RTL9: variants seen among roughly 807,000 people sequenced by gnomAD.
The protein encoded by RTL9 is retrotransposon Gag-like protein 9.
Under a neutral mutation model 44.7 loss-of-function variants are expected in RTL9, and 19 were observed. The observed-to-expected ratio is 0.42, with a 90% confidence interval of 0.30 to 0.62. The LOEUF is 0.62. RTL9 is among the 20% of genes least tolerant of loss of function. The probability of loss-of-function intolerance (pLI) is 0.16; values close to 1 mark genes in which losing one functional copy is unlikely to be tolerated. For missense variants in RTL9, 1,105 were observed against 1,080.6 expected, an observed-to-expected ratio of 1.02 and a Z score of -0.32; for synonymous variants, 407 against 398.9, an observed-to-expected ratio of 1.02 and a Z score of -0.24.
intron 1 of RTL9, among the ~76,000 whole-genome samples, chrX:110,438,002 G>T (rs73542224): frequency 9.0e-6 from 1 of 111,454 alleles, no homozygotes; most frequent in African/African-American, 3.3e-5. Context: ...CCCCAAATCC[G>T]TAGTCTCTGC....
intron 1 of RTL9, among the ~76,000 whole-genome samples, chrX:110,436,042 G>A (rs1039449548): frequency 2.7e-5 from 3 of 112,573 alleles, no homozygotes; most frequent in Non-Finnish European, 3.8e-5. Flanking sequence ...AACCAGTAAG[G>A]TCTTCTATAG....
At chrX:110,441,857 T>C (rs1484126750) in intron 1 of RTL9, among the ~76,000 whole-genome samples, 1 of 112,017 alleles carries the variant, frequency 8.9e-6, no homozygotes, top group Non-Finnish European at 1.9e-5. Flanking sequence ...GTTCTAAGTA[T>C]ACATTAACTC....
At chrX:110,380,334 C>T (rs1312239439) in intron 1 of RTL9, among the ~76,000 whole-genome samples, 1 of 105,450 alleles carries the variant, frequency 9.5e-6, no homozygotes, top group African/African-American at 3.9e-5. Context: ...AGAATGCAAT[C>T]CAATTTACAA....
chrX:110,410,999 G>GT (rs1208162775), intron 1 of RTL9, among the ~76,000 whole-genome samples: 2 of 112,350 alleles, frequency 1.8e-5, no homozygotes, highest in Non-Finnish European at 3.8e-5. Context: ...TCTGCCTCCA[G>GT]TCTTCTGTGT....
rs896624507 is a variant in RTL9 at position 110,454,615 on chromosome X, A to C, written c.3998A>C (p.Asn1333Thr). The change falls in exon 1 of 2, where the codon AAT becomes ACT. Residue 1333 changes from asparagine (N) to threonine (T), a missense_variant. Coordinates refer to ENST00000540313, the Ensembl canonical transcript of RTL9. ...CTGCCAACAGCCTGTAAGCGGAATAATGAGGAGGCCATGGGGAATGAACTG... is the reference window on the plus strand; with the variant it reads ...CTGCCAACAGCCTGTAAGCGGAATACTGAGGAGGCCATGGGGAATGAACTG... 6.6e-6 allele frequency: 8 copies of C among 1,207,646 alleles called. No individual in the cohort carries two copies. In the East Asian group the frequency reaches 8.9e-5, roughly 13 times the overall value.
chrX:110,400,475 T>G (rs1023389548), intron 1 of RTL9, among the ~76,000 whole-genome samples: 1 of 110,378 alleles, frequency 9.1e-6, no homozygotes, highest in African/African-American at 3.3e-5. Flanking sequence ...TGCTCAGAAG[T>G]GTCGCTCAGT....
chrX:110,387,332 T>C (rs2068462767), intron 1 of RTL9, among the ~76,000 whole-genome samples: 1 of 111,906 alleles, frequency 8.9e-6, no homozygotes, highest in Admixed American at 9.4e-5. Flanking sequence ...TTTGGTTTGG[T>C]CCAATTAAAA....
intron 1 of RTL9, among the ~76,000 whole-genome samples, chrX:110,369,277 A>G (rs1390502652): frequency 9.0e-6 from 1 of 111,671 alleles, no homozygotes; most frequent in Non-Finnish European, 1.9e-5. Flanking sequence ...GGTTGCAGTG[A>G]GCAGAGATGG....
intron 1 of RTL9, among the ~76,000 whole-genome samples, chrX:110,372,048 T>C (rs1303109825): frequency 1.8e-5 from 2 of 111,617 alleles, no homozygotes; most frequent in African/African-American, 6.5e-5. Context: ...CCTAGGACAA[T>C]GTGGTGCATT....
At chrX:110,377,108 G>C (rs1194417862) in intron 1 of RTL9, among the ~76,000 whole-genome samples, 1 of 111,457 alleles carries the variant, frequency 9.0e-6, no homozygotes, top group Non-Finnish European at 1.9e-5. Flanking sequence ...GGGCCCTCAA[G>C]CTTTTCCCCT....
At chrX:110,399,978 G>A (rs914699536) in intron 1 of RTL9, among the ~76,000 whole-genome samples, 1 of 111,057 alleles carries the variant, frequency 9.0e-6, no homozygotes. Context: ...ACATTTCAAC[G>A]GAAAGACATT....
chrX:110,433,119 C>A (rs1212445617), intron 1 of RTL9, among the ~76,000 whole-genome samples: 1 of 112,399 alleles, frequency 8.9e-6, no homozygotes, highest in Non-Finnish European at 1.9e-5. Context: ...GCTGTGGCTC[C>A]AAGACCTGCC....
chrX:110,417,951 C>T (rs1032962463), upstream of RTL9, among the ~76,000 whole-genome samples: 1 of 112,645 alleles, frequency 8.9e-6, no homozygotes, highest in Non-Finnish European at 1.9e-5. Flanking sequence ...ACACAGGGTG[C>T]CATGTTCAGG....
At chrX:110,398,725 T>C (rs1348439721) in intron 1 of RTL9, among the ~76,000 whole-genome samples, 3 of 112,218 alleles carry the variant, frequency 2.7e-5, no homozygotes, top group African/African-American at 9.7e-5. Context: ...CTCTGAACCT[T>C]GAACCCTTCA....
At chrX:110,393,236 C>G (rs943670137) in intron 1 of RTL9, among the ~76,000 whole-genome samples, 1 of 111,010 alleles carries the variant, frequency 9.0e-6, no homozygotes, top group African/African-American at 3.3e-5. Context: ...ACTTCCAGGA[C>G]CCTCATTTTC....
At chrX:110,455,202 C>T in exon 2 of RTL9, 3 of 1,209,923 alleles carry the variant, frequency 2.5e-6, no homozygotes, top group Non-Finnish European at 3.4e-6. Flanking sequence ...TCACTCCCAG[C>T]ACCAGCATGT....
intron 1 of RTL9, among the ~76,000 whole-genome samples, chrX:110,370,351 G>A (rs2068329566): frequency 9.0e-6 from 1 of 111,441 alleles, no homozygotes; most frequent in African/African-American, 3.3e-5. Context: ...TAGGATTACA[G>A]GCACCTGCCA....
At chrX:110,419,105 T>C (rs1278271299) in exon 1 of RTL9, 1 of 112,345 alleles carries the variant, frequency 8.9e-6, no homozygotes, top group Non-Finnish European at 1.9e-5. Flanking sequence ...CTACAACATA[T>C]GGAGCGCCTA....
chrX:110,427,555 G>A (rs923426190), intron 1 of RTL9, among the ~76,000 whole-genome samples: 1 of 111,823 alleles, frequency 8.9e-6, no homozygotes, highest in African/African-American at 3.3e-5. Flanking sequence ...TCAAATAAAT[G>A]GAGGGAGCTT....
Sources: allele counts gnomAD v4.1 joint callset (sites outside exome capture counted in the v4.1 genomes callset), GRCh38; gene constraint gnomAD v4.1.1; transcripts MANE v1.5; gene names NCBI Gene and HGNC (gene_info 2026-07-23, HGNC 2026-07-21).